The following SELE variants were observed in gnomAD, a reference collection of about 807,000 sequenced individuals.
SELE encodes selectin E.
A neutral mutation model predicts 75.8 loss-of-function variants in SELE; 52 were observed. The observed-to-expected ratio is 0.69, with a 90% CI of 0.55 to 0.86. The LOEUF (loss-of-function observed/expected upper bound fraction) is 0.86, where lower values mean the gene tolerates loss of function less well. Ranked by LOEUF, SELE falls within the 40% of genes least tolerant of loss-of-function variation. The pLI, the probability that SELE is intolerant of heterozygous loss-of-function variation, is 0.00. For synonymous variants in SELE, 285 were observed against 258.7 expected, an observed-to-expected ratio of 1.10 and a Z score of -0.98; for missense variants, 754 against 732.7, an observed-to-expected ratio of 1.03 and a Z score of -0.34.
At chr1:169,729,716 T>A in intron 5 of SELE, 43 bp from the exon 6 acceptor site, 11 of 1,590,094 alleles carry the variant, frequency 6.9e-6, no homozygotes, top group Non-Finnish European at 9.5e-6. Context: ...AGAAGAATGA[T>A]CTTTTCACTT....
In SELE at chr1:169,723,527, A is replaced by T. The variant is rs1267539200; in HGVS notation, c.*998T>A. On this transcript the variant is annotated 3_prime_UTR_variant, in exon 14 of 14. Coordinates refer to ENST00000333360, the MANE Select transcript of SELE (RefSeq NM_000450.2). ...ACGTTTGGCCTCATGGAAGTTTTTC[A>T]TCGTGGAAACCACATATTTCTGAAA... is the stretch of plus-strand genomic sequence containing the variant. The T allele has an allele frequency of 2.0e-5, 3 of 152,256 alleles. No individual in the cohort carries two copies. Among genetic ancestry groups the T allele is most frequent in the Non-Finnish European group, 4.4e-5 (3 of 68,042 alleles). The allele number at this position is 152,256 out of a possible 1,614,324, so 9.4% of individuals were successfully genotyped here.
intron 11 of SELE, among the ~76,000 whole-genome samples, 200 bp from the exon 12 acceptor site, chr1:169,726,128 A>G (rs1170597001): frequency 6.6e-6 from 1 of 152,220 alleles, no homozygotes; most frequent in African/African-American, 2.4e-5. Flanking sequence ...AGGGCATAGC[A>G]GCTTCCTAAT....
rs749538821 is a variant in SELE at position 169,726,699 on chromosome 1, C to T, written c.1753G>A (p.Ala585Thr). 1 of 1,605,730 alleles carries T rather than the reference C, an allele frequency of 6.2e-7. No homozygotes were observed. Among genetic ancestry groups the T allele is most frequent in the Non-Finnish European group, 8.5e-7 (1 of 1,172,740 alleles). ...GAAGTACATTCATAAACTTCCTCAC[C>T]TTTCCGTAAGCATTTCCGAAGCCAG... ...LLWLRKCLRK[A>T]KKFVPASSCQ... Residue 585 changes from alanine (A) to threonine (T), a missense_variant and splice_region_variant, in exon 11 of 14, where the codon GCA becomes ACA. Ala to Thr is a moderately conservative substitution (Grantham distance 58). Coordinates refer to ENST00000333360, the MANE Select transcript of SELE (RefSeq NM_000450.2).
In SELE at chr1:169,729,614, G is replaced by T; in HGVS notation, c.775C>A (p.Pro259Thr). The T allele has an allele frequency of 6.2e-7, 1 of 1,614,058 alleles. No homozygotes were observed. ...GTTGTGTTCCATGGGAAGCTTCCAG[G>T]GTTTTGGAAACATTCCACGAACCCA... is the stretch of plus-strand genomic sequence containing the variant. ...ANGFVECFQN[P>T]GSFPWNTTCT... The change falls in exon 6 of 14, where the codon CCT (proline) becomes ACT (threonine). Residue 259 changes from proline to threonine, a missense_variant. By Grantham distance (38) the Pro-to-Thr change is conservative. Transcript: ENST00000333360.
rs752904063 is a variant in SELE at position 169,727,420 on chromosome 1, G to A, written c.1574C>T (p.Thr525Met). Reference protein sequence around the residue: ...VCKFACPEGWTLNGSAARTCG... With the variant: ...VCKFACPEGWMLNGSAARTCG... ...TGTCCGAGCTGCAGAGCCATTGAGC[G>A]TCCATCCTTCAGGACAGGCGAACTT... The change falls in exon 10 of 14, where the codon ACG becomes ATG. Residue 525 changes from threonine (T) to methionine (M), a missense_variant. Coordinates refer to ENST00000333360, the MANE Select transcript of SELE (RefSeq NM_000450.2). The A allele has an allele frequency of 3.6e-5, 58 of 1,614,046 alleles. No individual in the cohort carries two copies. The highest frequency in any genetic ancestry group is 6.7e-5 in the East Asian group (3 of 44,886).
At chr1:169,729,039 T>C (rs933573401) in intron 7 of SELE, 147 bp downstream of exon 7, 3 of 691,396 alleles carry the variant, frequency 4.3e-6, no homozygotes, top group Non-Finnish European at 7.0e-6. Context: ...CAAACATTAG[T>C]TCTTTTAAAT....
At chr1:169,729,717 C>A (rs748360759) in intron 5 of SELE, 44 bp from the exon 6 acceptor site, 8 of 1,589,924 alleles carry the variant, frequency 5.0e-6, no homozygotes, top group African/African-American at 1.3e-5. Flanking sequence ...GAAGAATGAT[C>A]TTTTCACTTC....
intron 2 of SELE, 124 bp downstream of exon 2, chr1:169,733,452 A>C (rs1003548486): frequency 1.1e-6 from 1 of 912,400 alleles, no homozygotes. Context: ...AACACATTGC[A>C]GGTAGAGGTC....
At chr1:169,725,305 C>T (rs776890751) in intron 13 of SELE, among the ~76,000 whole-genome samples, 3 of 151,588 alleles carry the variant, frequency 2.0e-5, no homozygotes, top group East Asian at 1.9e-4. Flanking sequence ...ATTGCTTGAA[C>T]GCAGGAGGTG....
chr1:169,726,754 GAGTCCAGCAGCAGAA>G lies in SELE; in HGVS notation c.1683_1697del (p.Ala563_Ser567del). The G allele has an allele frequency of 6.2e-7, 1 of 1,613,952 alleles. No individual in the cohort carries two copies. Among genetic ancestry groups the G allele is most frequent in the Non-Finnish European group, 8.5e-7 (1 of 1,179,956 alleles). On this transcript the variant is annotated inframe_deletion, in exon 11 of 14. Transcript: ENST00000333360. ...GAAATGGTGCTAATGTCAGGAGGGAGAGTCCAGCAGCAGAAAGTCCAGCTACCAAGGGAATGTTGG... is the reference window on the plus strand; with the variant it reads ...GAAATGGTGCTAATGTCAGGAGGGAGAGTCCAGCTACCAAGGGAATGTTGG...
Position 169,724,719 on chromosome 1 carries a change from A to G in SELE, c.*16-210T>C, listed in dbSNP as rs1276043015. Among the ~76,000 whole-genome samples the G allele has an allele frequency of 4.6e-5, 7 of 152,288 alleles. No individual in the cohort carries two copies. The East Asian group carries it at 1.4e-3, about 29-fold the overall frequency. On this transcript the variant is annotated intron_variant, in intron 13 of 13. Transcript: ENST00000333360. Reference sequence around the variant, plus strand: ...ACAACACAGCACAGAGTGAATTCTAATGTAGCCTGTGGACATTAATGAATA... The same window carrying G: ...ACAACACAGCACAGAGTGAATTCTAGTGTAGCCTGTGGACATTAATGAATA...
rs748947234 is a variant in SELE at position 169,729,247 on chromosome 1, T to A, written c.1029A>T (p.Gly343=). 1.2e-6 allele frequency: 2 copies of A among 1,613,994 alleles called. No individual in the cohort carries two copies. The highest frequency in any genetic ancestry group is 2.7e-5 in the African/African-American group (2 of 74,918). The part of the protein sequence containing the change: ...FTCEEGFMLQ[G]PAQVECTTQG... Reference sequence around the variant, plus strand: ...GAGTGGTGCATTCAACCTGGGCTGGTCCCTGCAACATGAAGCCTTCCTCAC... The same window carrying A: ...GAGTGGTGCATTCAACCTGGGCTGGACCCTGCAACATGAAGCCTTCCTCAC... The change falls in exon 7 of 14, where the codon GGA becomes GGT. Residue 343 remains glycine (G), a synonymous_variant. Coordinates refer to ENST00000333360, the MANE Select transcript of SELE (RefSeq NM_000450.2).
rs781311499 is a variant in SELE at position 169,729,486 on chromosome 1, A to G, written c.901+2T>C. 1 of 1,613,880 alleles carries G rather than the reference A, an allele frequency of 6.2e-7. No individual in the cohort carries two copies. The highest frequency in any genetic ancestry group is 1.1e-5 in the South Asian group (1 of 91,040). ...GTAAGTCTCCATGTGGAACAACTCT[A>G]CCTTTACACGTTGGCTTCTCGTTGT... On this transcript the variant is annotated splice_donor_variant, in intron 6 of 13. Transcript: ENST00000333360. LOFTEE classifies it high-confidence loss of function.
At chr1:169,726,832 G>T in intron 10 of SELE, 26 bp from the exon 11 acceptor site, 4 of 1,525,502 alleles carry the variant, frequency 2.6e-6, no homozygotes, top group Non-Finnish European at 3.6e-6. Context: ...ACGAAGAAAG[G>T]TCATGAGGAA....
rs1178335410 is a variant in SELE, at chr1:169,727,853, T to A, written c.1354A>T (p.Thr452Ser). 1 of 1,614,120 alleles carries A rather than the reference T, an allele frequency of 6.2e-7. No individual in the cohort carries two copies. Among genetic ancestry groups the A allele is most frequent in the Non-Finnish European group, 8.5e-7 (1 of 1,179,990 alleles). The change falls in exon 9 of 14, where the codon ACC (threonine) becomes TCC (serine). Residue 452 changes from threonine to serine, a missense_variant. Thr to Ser is a moderately conservative substitution (Grantham distance 58). Coordinates refer to ENST00000333360, the MANE Select transcript of SELE (RefSeq NM_000450.2). Reference protein sequence around the residue: ...RCAHSPIGEFTYKSSCAFSCE... With the variant: ...RCAHSPIGEFSYKSSCAFSCE... ...CTGAAGGCACAAGAGGACTTGTAGG[T>A]GAATTCTCCAATAGGGGAATGAGCA...
Position 169,727,448 on chromosome 1 carries a change from A to G in SELE, c.1546T>C (p.Cys516Arg). Residue 516 changes from cysteine (C) to arginine (R), a missense_variant, in exon 10 of 14, where the codon TGC becomes CGC. Physicochemically the swap from Cys to Arg is radical, Grantham distance 180 (BLOSUM62 -3). Transcript: ENST00000333360. ...CSGEPVFGTV[C>R]KFACPEGWTL... ...CATCCTTCAGGACAGGCGAACTTGC[A>G]CACAGTGCCAAACACGGGCTCCCCA... 6.2e-7 allele frequency: 1 copy of G among 1,614,178 alleles called. No homozygotes were observed. The highest frequency in any genetic ancestry group is 8.5e-7 in the Non-Finnish European group (1 of 1,180,026).
intron 6 of SELE, 53 bp from the exon 7 acceptor site, chr1:169,729,427 T>C: frequency 3.1e-6 from 5 of 1,608,516 alleles, no homozygotes; most frequent in Non-Finnish European, 4.3e-6. Context: ...AGCTTGCCCA[T>C]TTCCAGTATG....
At chr1:169,727,661 C>T in intron 9 of SELE, 78 bp downstream of exon 9, 1 of 1,542,776 alleles carries the variant, frequency 6.5e-7, no homozygotes, top group East Asian at 2.3e-5. Context: ...AGGACCAAAC[C>T]CCTTTGGGGC....
Position 169,732,902 on chromosome 1 carries a change from G to T in SELE, c.134C>A (p.Thr45Lys). Residue 45 changes from threonine (T) to lysine (K), a missense_variant, in exon 3 of 14, where the codon ACA becomes AAA. Transcript: ENST00000333360. ...TTTGTTTTGAATTGCAACCAGGTGT[G>T]TGTACCTTTGCTGACAATAAGCACT... is the stretch of plus-strand genomic sequence containing the variant. ...EASAYCQQRY[T>K]HLVAIQNKEE... The T allele has an allele frequency of 6.2e-7, 1 of 1,614,114 alleles. No individual in the cohort carries two copies. Among genetic ancestry groups the T allele is most frequent in the Non-Finnish European group, 8.5e-7 (1 of 1,180,020 alleles).
Sources: allele counts gnomAD v4.1 joint callset (sites outside exome capture counted in the v4.1 genomes callset), GRCh38; gene constraint gnomAD v4.1.1; transcripts MANE v1.5; gene names NCBI Gene and HGNC (gene_info 2026-07-23, HGNC 2026-07-21).